The following MEIOC variants were observed in gnomAD, a reference collection of about 807,000 sequenced individuals.
MEIOC encodes the protein meiosis specific with coiled-coil domain.
Under a neutral mutation model 85.3 loss-of-function variants are expected in MEIOC, and 9 were observed. That is an observed-to-expected ratio of 0.11 (90% CI 0.06 to 0.18). The LOEUF (loss-of-function observed/expected upper bound fraction) is 0.18. Ranked by LOEUF, MEIOC falls within the 10% of genes least tolerant of loss-of-function variation. The pLI, the probability that MEIOC is intolerant of heterozygous loss-of-function variation, is 1.00. For synonymous variants in MEIOC, 365 were observed against 393.7 expected (o/e 0.93, Z 0.86); for missense variants, 898 against 1,129.4 (o/e 0.80, Z 2.94).
rs938661314 is a variant in MEIOC, at chr17:44,668,180, C to T, written c.2269C>T (p.Arg757Cys). Residue 757 changes from arginine (R) to cysteine (C), a missense_variant, in exon 5 of 8, where the codon CGT (arginine) becomes TGT (cysteine). This residue lies in a region of MEIOC where 164 missense variants were observed against 269.2 expected (regional missense o/e 0.61). Coordinates refer to ENST00000409122, the MANE Select transcript of MEIOC (RefSeq NM_001145080.3). The stretch of plus-strand genomic sequence containing the variant: ...TGGACCAGCCAGTGAACTTCATATT[C>T]GTCTAGAAGAGTGCTGTGAACAATG... The part of the protein sequence containing the change: ...RSGPASELHI[R>C]LEECCEQWRA... 15 of 1,613,562 alleles carry T rather than the reference C, an allele frequency of 9.3e-6. No individual in the cohort carries two copies. The highest frequency in any genetic ancestry group is 9.3e-6 in the Non-Finnish European group (11 of 1,179,736).
chr17:44,656,819 GGCGGGCGGGGGGCGCGGC>G (rs1971763230), intron 1 of MEIOC, 137 bp downstream of exon 1: 1 of 446,956 alleles, frequency 2.2e-6, no homozygotes, highest in African/African-American at 2.1e-5. Flanking sequence ...GAACGGGGCG[GGCGGGCGGGGGGCGCGGC>G]GCGGGCTGAC....
chr17:44,673,926 A>G (rs1972042463), intron 7 of MEIOC, 50 bp from the exon 8 acceptor site: 1 of 1,524,378 alleles, frequency 6.6e-7, no homozygotes, highest in Non-Finnish European at 8.9e-7. Flanking sequence ...GATTTAACAG[A>G]TATTTAAATG....
rs1971910509 is a variant in MEIOC at position 44,666,813 on chromosome 17, A to G, written c.902A>G (p.Glu301Gly). The G allele has an allele frequency of 6.2e-7, 1 of 1,613,342 alleles. No individual in the cohort carries two copies. Among genetic ancestry groups the G allele is most frequent in the East Asian group, 2.2e-5 (1 of 44,870 alleles). The stretch of plus-strand genomic sequence containing the variant: ...GACAGAATATGTACTAAAGGTCTTG[A>G]AGCACCACTACAGCAAAAAAGGGCA... ...GRDRICTKGLEAPLQQKRAEM... is the reference protein window; with the variant it reads ...GRDRICTKGLGAPLQQKRAEM... The change falls in exon 5 of 8, where the codon GAA becomes GGA. Residue 301 changes from glutamate to glycine, a missense_variant. Coordinates refer to ENST00000409122, the MANE Select transcript of MEIOC (RefSeq NM_001145080.3).
At chr17:44,657,378 CTTTTTTTTTTTT>C in intron 2 of MEIOC, 117 bp downstream of exon 2, 3 of 294,744 alleles carry the variant, frequency 1.0e-5, no homozygotes, top group Non-Finnish European at 1.7e-5. Context: ...CCAGGGAAAA[CTTTTTTTTTTTT>C]TTTTTTTTTT....
chr17:44,675,720 A>C lies in MEIOC; in HGVS notation c.*1524A>C, dbSNP rs540513167. On this transcript the variant is annotated 3_prime_UTR_variant, in exon 8 of 8. Transcript: ENST00000409122. ...TGCATAGAAAGTGGTTAAGTTTAAC[A>C]TAAGACATGTTGGATGTTATAAAAA... 1.0e-6 allele frequency: 1 copy of C among 980,244 alleles called. No individual in the cohort carries two copies. Among genetic ancestry groups the C allele is most frequent in the African/African-American group, 1.7e-5 (1 of 57,260 alleles). 60.7% of individuals were successfully genotyped at this position (980,244 alleles called of 1,614,324 possible).
intron 2 of MEIOC, among the ~76,000 whole-genome samples, chr17:44,658,851 C>T (rs955787712): frequency 1.3e-5 from 2 of 150,882 alleles, no homozygotes. Context: ...TTCATTGATT[C>T]GTTTCCATCT....
chr17:44,675,246 C>T lies in MEIOC; in HGVS notation c.*1050C>T. ...AGCCTATATTTTGCGTAGTTGTGTTCATTAGTTTGCTTCTGTATTTTTTTA... is the reference window on the plus strand; with the variant it reads ...AGCCTATATTTTGCGTAGTTGTGTTTATTAGTTTGCTTCTGTATTTTTTTA... On this transcript the variant is annotated 3_prime_UTR_variant, in exon 8 of 8. Coordinates refer to ENST00000409122, the MANE Select transcript of MEIOC (RefSeq NM_001145080.3). The T allele has an allele frequency of 1.0e-6, 1 of 984,574 alleles. No homozygotes were observed. Among genetic ancestry groups the T allele is most frequent in the Non-Finnish European group, 1.2e-6 (1 of 829,278 alleles). 61.0% of individuals were successfully genotyped at this position (984,574 alleles called of 1,614,324 possible).
chr17:44,668,134 A>G lies in MEIOC; in HGVS notation c.2223A>G (p.Gln741=). ...GTCTCATGCCAACTTTTGGATTTCA[A>G]AGACCAATTAAAACCCGTAGTGGAC... The part of the protein sequence containing the change: ...FSGLMPTFGF[Q]RPIKTRSGPA... Residue 741 remains glutamine (Q), a synonymous_variant, in exon 5 of 8, where the codon CAA becomes CAG. Transcript: ENST00000409122. 1 of 1,613,942 alleles carries G rather than the reference A, an allele frequency of 6.2e-7. No homozygotes were observed. The highest frequency in any genetic ancestry group is 8.5e-7 in the Non-Finnish European group (1 of 1,179,854).
In MEIOC at chr17:44,665,496, T is replaced by G. The variant is rs1971891804; in HGVS notation, c.464+8T>G. ...GCCATATTTTGCTGAAGGGTTAGTA[T>G]ATAATCTATATAGTATATAACAGGC... On this transcript the variant is annotated splice_region_variant and intron_variant, in intron 4 of 7. Coordinates refer to ENST00000409122, the MANE Select transcript of MEIOC (RefSeq NM_001145080.3). 6.9e-7 allele frequency: 1 copy of G among 1,449,252 alleles called. No individual in the cohort carries two copies. 89.8% of individuals were successfully genotyped at this position (1,449,252 alleles called of 1,614,324 possible).
chr17:44,663,072 T>G (rs1412564302), intron 3 of MEIOC, among the ~76,000 whole-genome samples: 1 of 152,254 alleles, frequency 6.6e-6, no homozygotes, highest in Non-Finnish European at 1.5e-5. Flanking sequence ...TTAGATGTTT[T>G]TGTCATCCAG....
intron 2 of MEIOC, 146 bp from the exon 3 acceptor site, chr17:44,662,171 T>C: frequency 1.5e-6 from 1 of 669,366 alleles, no homozygotes; most frequent in Non-Finnish European, 2.5e-6. Flanking sequence ...ATCCCTGGTA[T>C]AAAGCAAGCT....
chr17:44,658,927 T>G (rs1175326806), intron 2 of MEIOC, among the ~76,000 whole-genome samples: 3 of 151,820 alleles, frequency 2.0e-5, no homozygotes, highest in South Asian at 2.1e-4. Flanking sequence ...TTAAAATATG[T>G]TTTTTTTCGT....
In MEIOC at chr17:44,669,535, A is replaced by T. The variant is rs1395348296; in HGVS notation, c.2457+18A>T. 6.4e-7 allele frequency: 1 copy of T among 1,551,194 alleles called. No homozygotes were observed. The highest frequency in any genetic ancestry group is 2.0e-5 in the Admixed American group (1 of 50,932). ...TAGCCAGAGTAAGCTGTAAAAATAG[A>T]TAACAGTGGATGGATTTTTTGTTAA... On this transcript the variant is annotated intron_variant, in intron 6 of 7. Coordinates refer to ENST00000409122, the MANE Select transcript of MEIOC (RefSeq NM_001145080.3).
intron 2 of MEIOC, 142 bp downstream of exon 2, chr17:44,657,403 A>C: frequency 1.7e-6 from 1 of 583,344 alleles, no homozygotes; most frequent in Non-Finnish European, 2.5e-6. Context: ...TTTTTTTTTG[A>C]GACAGAGTCT....
Position 44,663,043 on chromosome 17 carries a change from T to C in MEIOC, c.359+572T>C, listed in dbSNP as rs977777331. Among the ~76,000 whole-genome samples the C allele has an allele frequency of 2.6e-5, 4 of 152,244 alleles. No individual in the cohort carries two copies. The South Asian group carries it at 6.2e-4, about 24-fold the overall frequency. On this transcript the variant is annotated intron_variant, in intron 3 of 7. Transcript: ENST00000409122. ...AGTTCTTCTTTCTAAAGATGACTTA[T>C]ATGAATGAGTTAAAACTTTTAGATG...
chr17:44,661,102 G>A (rs753456283), intron 2 of MEIOC, among the ~76,000 whole-genome samples: 23 of 151,856 alleles, frequency 1.5e-4, no homozygotes, highest in Non-Finnish European at 2.8e-4. Context: ...TGACCAACAT[G>A]GTGAAACCCT....
chr17:44,658,611 A>G (rs1971801916), intron 2 of MEIOC, among the ~76,000 whole-genome samples: 1 of 151,732 alleles, frequency 6.6e-6, no homozygotes, highest in African/African-American at 2.4e-5. Flanking sequence ...CCTGGCCAAC[A>G]TGGCGAAACC....
intron 5 of MEIOC, 87 bp from the exon 6 acceptor site, chr17:44,669,293 ACTC>A: frequency 9.9e-7 from 1 of 1,007,662 alleles, no homozygotes; most frequent in Admixed American, 2.7e-5. Context: ...AAGTGGTAAT[ACTC>A]TATTTATTAG....
At position 44,667,852 on chromosome 17, in the gene MEIOC, C is replaced by T. The variant is rs533630811; in HGVS notation, c.1941C>T (p.His647=). ...LLESQGHSNS[H]RTRGGDNSRV... is the part of the protein sequence containing the mutation. Reference sequence around the variant, plus strand: ...AGTCACAGGGTCATTCTAATAGCCACAGAACGAGAGGTGGAGACAATAGCC... The same window carrying T: ...AGTCACAGGGTCATTCTAATAGCCATAGAACGAGAGGTGGAGACAATAGCC... The change falls in exon 5 of 8, where the codon CAC becomes CAT. Residue 647 remains histidine, a synonymous_variant. Transcript: ENST00000409122. 9.3e-6 allele frequency: 15 copies of T among 1,613,974 alleles called. No individual in the cohort carries two copies. The highest frequency in any genetic ancestry group is 1.3e-5 in the Non-Finnish European group (15 of 1,179,886).
Sources: allele counts gnomAD v4.1 joint callset (sites outside exome capture counted in the v4.1 genomes callset), GRCh38; gene constraint gnomAD v4.1.1; regional missense constraint gnomAD v4.1.1; transcripts MANE v1.5; gene names NCBI Gene and HGNC (gene_info 2026-07-23, HGNC 2026-07-21).